Variants in STARD13 observed in about 807,000 individuals in gnomAD.
STARD13 encodes the protein StAR related lipid transfer domain containing 13.
Under a neutral mutation model 106.4 loss-of-function variants are expected in STARD13, and 62 were observed. The ratio of observed to expected loss-of-function variants is 0.58; its 90% CI spans 0.48 to 0.72. The LOEUF (loss-of-function observed/expected upper bound fraction) is 0.72. STARD13 is among the 30% of genes least tolerant of loss of function. The pLI is 0.00. For synonymous variants in STARD13, 565 were observed against 553.0 expected (o/e 1.02, Z -0.31); for missense variants, 1,387 against 1,424.0 (o/e 0.97, Z 0.42).
the STARD13 span, among the ~76,000 whole-genome samples, chr13:33,547,988 A>G: frequency 1.3e-5 from 2 of 152,196 alleles, no homozygotes; most frequent in Non-Finnish European, 2.9e-5. Flanking sequence ...CCATTAGTTG[A>G]TTTATTTAAT....
chr13:33,276,506 C>G (rs1243964197), intron 1 of STARD13, among the ~76,000 whole-genome samples: 1 of 152,080 alleles, frequency 6.6e-6, no homozygotes, highest in Non-Finnish European at 1.5e-5. Context: ...TACATAATTT[C>G]AGGGTGGTAT....
chr13:33,139,420 C>T (rs925217592), intron 4 of STARD13, among the ~76,000 whole-genome samples: 6 of 152,214 alleles, frequency 3.9e-5, no homozygotes, highest in Non-Finnish European at 8.8e-5. Flanking sequence ...CTTTTGCTAT[C>T]CCTACAAACT....
chr13:33,464,058 T>C, the STARD13 span, among the ~76,000 whole-genome samples: 1 of 148,934 alleles, frequency 6.7e-6, no homozygotes, highest in African/African-American at 2.4e-5. Context: ...TGTATATGTA[T>C]ATGTATGTAT....
intron 1 of STARD13, among the ~76,000 whole-genome samples, chr13:33,236,095 T>C (rs554768063): frequency 8.5e-5 from 13 of 152,332 alleles, no homozygotes; most frequent in Non-Finnish European, 1.6e-4. Context: ...TTATTACAAA[T>C]CGTGAGTAAT....
the STARD13 span, among the ~76,000 whole-genome samples, chr13:33,538,389 T>C: frequency 1.3e-5 from 2 of 152,016 alleles, no homozygotes; most frequent in Non-Finnish European, 2.9e-5. Context: ...AAAATGCGAG[T>C]TCAGGGCCCA....
chr13:33,404,036 G>A, the STARD13 span, among the ~76,000 whole-genome samples: 3 of 152,066 alleles, frequency 2.0e-5, no homozygotes, highest in South Asian at 2.1e-4. Flanking sequence ...ACCTTTCATC[G>A]TTAGTTTAAT....
chr13:33,175,508 C>G (rs1191981546), intron 1 of STARD13, among the ~76,000 whole-genome samples: 1 of 152,194 alleles, frequency 6.6e-6, no homozygotes, highest in Non-Finnish European at 1.5e-5. Flanking sequence ...GATTGTCTCT[C>G]CCTCTCTAAT....
intron 1 of STARD13, among the ~76,000 whole-genome samples, chr13:33,260,515 T>G (rs1890588083): frequency 6.6e-6 from 1 of 152,176 alleles, no homozygotes; most frequent in African/African-American, 2.4e-5. Context: ...TTTTGTCTGT[T>G]ACTGTGAACA....
chr13:33,447,316 G>A, the STARD13 span, among the ~76,000 whole-genome samples: 2 of 152,192 alleles, frequency 1.3e-5, no homozygotes, highest in African/African-American at 4.8e-5. Context: ...TTGTGTGCAA[G>A]CCAGCAGCTG....
the STARD13 span, among the ~76,000 whole-genome samples, chr13:33,650,363 TG>T: frequency 1.6e-4 from 24 of 150,622 alleles, no homozygotes; most frequent in Middle Eastern, 3.4e-3. Context: ...GCTAATTTTT[TG>T]TATTTTTAGT....
At chr13:33,501,620 A>G in the STARD13 span, among the ~76,000 whole-genome samples, 3 of 152,162 alleles carry the variant, frequency 2.0e-5, no homozygotes, top group Admixed American at 1.3e-4. Context: ...CAGCTTTCCC[A>G]GCATCATTTA....
chr13:33,345,654 A>C (rs370271748), downstream of STARD13, among the ~76,000 whole-genome samples: 1 of 152,226 alleles, frequency 6.6e-6, no homozygotes, highest in African/African-American at 2.4e-5. Flanking sequence ...GTGGAAATTT[A>C]GCAACTGCCA....
intron 1 of STARD13, among the ~76,000 whole-genome samples, chr13:33,301,658 C>G (rs1471590861): frequency 6.8e-6 from 1 of 148,060 alleles, no homozygotes; most frequent in Non-Finnish European, 1.5e-5. Flanking sequence ...AGCTCAGCCT[C>G]CCAGGTTCAT....
rs761651607 is a variant in STARD13, at chr13:33,167,633, C to T, written c.170-11G>A. 1.2e-6 allele frequency: 2 copies of T among 1,613,902 alleles called. No individual in the cohort carries two copies. On this transcript the variant is annotated splice_polypyrimidine_tract_variant and intron_variant, in intron 1 of 13. Transcript: ENST00000336934. ...CTTTTGCCTCAATTTCTGAAAAACA[C>T]AAGAGAGATAAAATTGTGAGTCCCA...
At chr13:33,549,400 G>A in the STARD13 span, among the ~76,000 whole-genome samples, 1 of 152,148 alleles carries the variant, frequency 6.6e-6, no homozygotes, top group Non-Finnish European at 1.5e-5. Context: ...CTGGAAACTT[G>A]TTAGAAATAC....
chr13:33,551,598 TTTTTTTTTTTTTTTTTTTG>T, the STARD13 span, among the ~76,000 whole-genome samples: 1 of 89,130 alleles, frequency 1.1e-5, no homozygotes, highest in Admixed American at 1.3e-4. Context: ...TTTTTTTTTT[TTTTTTTTTTTTTTTTTTTG>T]AGTTGGAGTC....
the STARD13 span, among the ~76,000 whole-genome samples, chr13:33,527,934 A>G: frequency 6.6e-6 from 1 of 151,300 alleles, no homozygotes; most frequent in East Asian, 1.9e-4. Context: ...TTAACTGACC[A>G]TTAATATCCA....
intron 1 of STARD13, among the ~76,000 whole-genome samples, chr13:33,226,435 C>CTTT (rs71196514): frequency 0.21 from 27,099 of 129,826 alleles, 3,072 homozygotes; most frequent in South Asian, 0.29. Flanking sequence ...AAATTTAGTT[C>CTTT]TTTTTTTTTT....
chr13:33,231,781 G>C (rs577390972), intron 1 of STARD13, among the ~76,000 whole-genome samples: 133 of 152,162 alleles, frequency 8.7e-4, no homozygotes, highest in African/African-American at 2.9e-3. Flanking sequence ...AGATGACTAA[G>C]GTTTACCTGA....
Sources: allele counts gnomAD v4.1 joint callset (sites outside exome capture counted in the v4.1 genomes callset), GRCh38; gene constraint gnomAD v4.1.1; transcripts MANE v1.5; gene names NCBI Gene and HGNC (gene_info 2026-07-23, HGNC 2026-07-21).